MGAT4C: variants seen among roughly 807,000 people sequenced by gnomAD.
The protein encoded by MGAT4C is alpha-1,3-mannosyl-glycoprotein 4-beta-N-acetylglucosaminyltransferase C.
A neutral mutation model predicts 40.1 loss-of-function variants in MGAT4C; 19 were observed. The ratio of observed to expected loss-of-function variants is 0.47; its 90% CI spans 0.33 to 0.70. The LOEUF (loss-of-function observed/expected upper bound fraction) is 0.70. Among genes scored for constraint, MGAT4C ranks in the 30% least tolerant of loss-of-function variants. The pLI is 0.02. For synonymous variants in MGAT4C, 181 were observed against 187.1 expected, an observed-to-expected ratio of 0.97 and a Z score of 0.27; for missense variants, 491 against 563.2, an observed-to-expected ratio of 0.87 and a Z score of 1.30.
chr12:86,504,781 G>A (rs890236199), intron 2 of MGAT4C, among the ~76,000 whole-genome samples: 1 of 152,002 alleles, frequency 6.6e-6, no homozygotes, highest in Non-Finnish European at 1.5e-5. Context: ...CCGCCTCCCG[G>A]GTTCAAGCAA....
At chr12:86,774,281 C>CTCTTTCTTTCTTTCTCTT (rs1951693105) in intron 1 of MGAT4C, among the ~76,000 whole-genome samples, 1 of 58,934 alleles carries the variant, frequency 1.7e-5, no homozygotes, top group African/African-American at 6.4e-5. Context: ...CTAAGGCTTG[C>CTCTTTCTTTCTTTCTCTT]TCTTTCTTTC....
At chr12:86,605,901 A>G (rs1962025897) in intron 2 of MGAT4C, among the ~76,000 whole-genome samples, 1 of 152,172 alleles carries the variant, frequency 6.6e-6, no homozygotes, top group Non-Finnish European at 1.5e-5. Flanking sequence ...ATACTGTTAT[A>G]AAGAACTGCC....
chr12:86,766,130 G>C (rs375761854), intron 1 of MGAT4C, among the ~76,000 whole-genome samples: 1 of 152,012 alleles, frequency 6.6e-6, no homozygotes, highest in African/African-American at 2.4e-5. Context: ...CCCATCTCAC[G>C]TGCAGAGACA....
intron 1 of MGAT4C, among the ~76,000 whole-genome samples, chr12:86,132,783 C>A (rs1881400673): frequency 9.5e-6 from 1 of 104,820 alleles, no homozygotes; most frequent in African/African-American, 4.1e-5. Flanking sequence ...CAGAGCGAGA[C>A]TCCGTCTCAA....
chr12:86,454,735 GA>G (rs1223084822), intron 2 of MGAT4C, among the ~76,000 whole-genome samples: 5 of 152,086 alleles, frequency 3.3e-5, no homozygotes, highest in East Asian at 3.9e-4. Flanking sequence ...ATGATATGGG[GA>G]AAAATTTAAT....
intron 2 of MGAT4C, among the ~76,000 whole-genome samples, chr12:86,591,009 A>G (rs1484354524): frequency 6.6e-6 from 1 of 151,982 alleles, no homozygotes; most frequent in Admixed American, 6.6e-5. Flanking sequence ...ATTTCTTGGG[A>G]GTATATGTTA....
intron 1 of MGAT4C, among the ~76,000 whole-genome samples, chr12:86,180,243 T>C (rs570879357): frequency 6.6e-6 from 1 of 152,354 alleles, no homozygotes; most frequent in Non-Finnish European, 1.5e-5. Flanking sequence ...TCTGCCTAGA[T>C]TTCAGAAGAT....
At chr12:86,248,980 C>G (rs1161356868) in intron 1 of MGAT4C, among the ~76,000 whole-genome samples, 1 of 151,896 alleles carries the variant, frequency 6.6e-6, no homozygotes, top group East Asian at 1.9e-4. Context: ...AAATTTTACA[C>G]CAAGAAAAGA....
At chr12:86,463,988 T>A (rs1403877145) in intron 2 of MGAT4C, among the ~76,000 whole-genome samples, 2 of 152,226 alleles carry the variant, frequency 1.3e-5, no homozygotes, top group Non-Finnish European at 2.9e-5. Flanking sequence ...TCAGAGGTGT[T>A]GCTGTTACTT....
intron 1 of MGAT4C, among the ~76,000 whole-genome samples, chr12:86,163,111 C>T (rs1320435650): frequency 6.6e-6 from 1 of 152,110 alleles, no homozygotes; most frequent in East Asian, 1.9e-4. Context: ...TCGCTACAGT[C>T]AGTACCTAAA....
At chr12:86,477,043 T>A (rs1957847427) in intron 2 of MGAT4C, among the ~76,000 whole-genome samples, 1 of 151,596 alleles carries the variant, frequency 6.6e-6, no homozygotes, top group South Asian at 2.1e-4. Flanking sequence ...AATATACTCA[T>A]GCAGCAACCC....
chr12:86,312,130 T>C (rs1954094716), intron 4 of MGAT4C, among the ~76,000 whole-genome samples: 1 of 152,238 alleles, frequency 6.6e-6, no homozygotes, highest in Non-Finnish European at 1.5e-5. Context: ...TACTGGATTC[T>C]CAAAATAACA....
chr12:86,554,862 G>C (rs1456918299), intron 2 of MGAT4C, among the ~76,000 whole-genome samples: 1 of 152,160 alleles, frequency 6.6e-6, no homozygotes, highest in South Asian at 2.1e-4. Context: ...TGGAAATCTA[G>C]GTTTCCACAG....
chr12:86,224,780 A>C (rs1011915648), intron 1 of MGAT4C, among the ~76,000 whole-genome samples: 1 of 152,210 alleles, frequency 6.6e-6, no homozygotes, highest in African/African-American at 2.4e-5. Context: ...TGTGGGATAC[A>C]ACAAAGGCAG....
intron 2 of MGAT4C, among the ~76,000 whole-genome samples, chr12:86,708,642 C>T (rs2136627646): frequency 6.6e-6 from 1 of 152,208 alleles, no homozygotes; most frequent in South Asian, 2.1e-4. Context: ...TGCGTAACCA[C>T]AGGGTTGAAG....
intron 2 of MGAT4C, among the ~76,000 whole-genome samples, chr12:86,571,445 C>T (rs1224377170): frequency 6.6e-6 from 1 of 151,902 alleles, no homozygotes; most frequent in African/African-American, 2.4e-5. Context: ...TATACACATA[C>T]ACTAAAATAT....
intron 2 of MGAT4C, among the ~76,000 whole-genome samples, chr12:86,564,527 C>T (rs567673370): frequency 5.3e-5 from 8 of 152,298 alleles, no homozygotes; most frequent in Middle Eastern, 3.4e-3. Flanking sequence ...AAGTAGCAAA[C>T]ACACTGGACT....
chr12:86,678,260 G>T (rs1349084259), intron 2 of MGAT4C, among the ~76,000 whole-genome samples: 1 of 151,920 alleles, frequency 6.6e-6, no homozygotes, highest in Non-Finnish European at 1.5e-5. Context: ...TCCTACATGA[G>T]CCTAAGACTT....
At chr12:86,400,885 G>T (rs1956344035) in intron 3 of MGAT4C, among the ~76,000 whole-genome samples, 1 of 152,056 alleles carries the variant, frequency 6.6e-6, no homozygotes, top group Non-Finnish European at 1.5e-5. Flanking sequence ...TAGGATTCAG[G>T]TATTTATCTA....
Sources: gnomAD v4.1 joint callset for allele counts (sites outside exome capture counted in the v4.1 genomes callset) on GRCh38, gnomAD v4.1.1 for gene constraint, MANE v1.5 for transcripts, NCBI Gene and HGNC (gene_info 2026-07-23, HGNC 2026-07-21) for gene names.